Variants in PKNOX1 observed in about 807,000 individuals in gnomAD.
PKNOX1 encodes PBX/knotted 1 homeobox 1.
Under a neutral mutation model 51.9 loss-of-function variants are expected in PKNOX1, and 15 were observed. The ratio of observed to expected loss-of-function variants is 0.29; its 90% confidence interval spans 0.19 to 0.45. The LOEUF (loss-of-function observed/expected upper bound fraction) is 0.45, where lower values mean the gene tolerates loss of function less well. PKNOX1 is among the 20% of genes least tolerant of loss of function. PKNOX1 has a pLI of 1.00. For synonymous variants in PKNOX1, 219 were observed against 211.1 expected (o/e 1.04, Z -0.32); for missense variants, 462 against 547.5 (o/e 0.84, Z 1.56).
intron 1 of PKNOX1, among the ~76,000 whole-genome samples, chr21:42,999,081 G>A (rs1416502396): frequency 6.6e-6 from 1 of 152,244 alleles, no homozygotes; most frequent in Non-Finnish European, 1.5e-5. Flanking sequence ...AGGCACTTCT[G>A]TATATTTTCT....
intron 7 of PKNOX1, among the ~76,000 whole-genome samples, chr21:43,019,740 C>A (rs1394039760): frequency 6.6e-6 from 1 of 151,970 alleles, no homozygotes. Context: ...ATGGGTTTCA[C>A]CACGTTGGCC....
intron 1 of PKNOX1, among the ~76,000 whole-genome samples, chr21:42,987,400 AAAAAAT>A (rs1326492574): frequency 4.2e-3 from 296 of 71,118 alleles, no homozygotes; most frequent in South Asian, 0.035. Flanking sequence ...AAAAAAAAAA[AAAAAAT>A]ATATATATAT....
At chr21:43,000,532 C>T (rs1158387637) in intron 1 of PKNOX1, among the ~76,000 whole-genome samples, 1 of 152,242 alleles carries the variant, frequency 6.6e-6, no homozygotes, top group East Asian at 1.9e-4. Flanking sequence ...GAAAGACTTG[C>T]CCCCATGATT....
At chr21:43,014,478 CTT>C (rs35013516) in intron 5 of PKNOX1, among the ~76,000 whole-genome samples, 5,344 of 152,188 alleles carry the variant, frequency 0.035, 132 homozygotes, top group Middle Eastern at 0.061. Context: ...CTTAACAGGT[CTT>C]TTTCAGAGCC....
At chr21:43,015,356 T>G (rs1234708604) in intron 5 of PKNOX1, among the ~76,000 whole-genome samples, 1 of 152,270 alleles carries the variant, frequency 6.6e-6, no homozygotes, top group Non-Finnish European at 1.5e-5. Flanking sequence ...TTTTTCTTCT[T>G]TAGCCTGTTA....
intron 1 of PKNOX1, chr21:43,004,038 G>A (rs12481955): frequency 0.034 from 6,238 of 180,938 alleles, 176 homozygotes; most frequent in Middle Eastern, 0.12. Context: ...GGGAGTTCGA[G>A]ACCAGCCTGA....
intron 5 of PKNOX1, among the ~76,000 whole-genome samples, chr21:43,015,331 G>C (rs969099472): frequency 6.6e-6 from 1 of 152,206 alleles, no homozygotes; most frequent in Non-Finnish European, 1.5e-5. Flanking sequence ...AGCATTGATT[G>C]ATATGATTAT....
Position 43,029,922 on chromosome 21 carries a change from A to G in PKNOX1, c.1132A>G (p.Met378Val), listed in dbSNP as rs766905317. The G allele has an allele frequency of 3.7e-6, 6 of 1,614,082 alleles. No individual in the cohort carries two copies. In the East Asian group the frequency reaches 6.7e-5, roughly 18 times the overall value. Residue 378 changes from methionine to valine, a missense_variant, in exon 11 of 11, where the codon ATG becomes GTG. Met to Val is a conservative substitution (Grantham distance 21, BLOSUM62 1). Coordinates refer to ENST00000291547, the MANE Select transcript of PKNOX1 (RefSeq NM_004571.5). ...AVVTITTPVN[M>V]NVDSLQSLSS... is the part of the protein sequence containing the mutation. ...TGTCACCATCACCACGCCCGTGAACATGAACGTGGACAGCCTTCAGTCTCT... is the reference window on the plus strand; with the variant it reads ...TGTCACCATCACCACGCCCGTGAACGTGAACGTGGACAGCCTTCAGTCTCT...
At chr21:42,987,402 A>T (rs200046458) in intron 1 of PKNOX1, among the ~76,000 whole-genome samples, 2,606 of 61,346 alleles carry the variant, frequency 0.042, 37 homozygotes, top group African/African-American at 0.081. Context: ...AAAAAAAAAA[A>T]AAATATATAT....
chr21:42,997,677 A>G (rs1438663667), intron 1 of PKNOX1, among the ~76,000 whole-genome samples: 1 of 152,228 alleles, frequency 6.6e-6, no homozygotes, highest in Non-Finnish European at 1.5e-5. Context: ...GTGCTGTGTG[A>G]GGGTCCAGCA....
chr21:43,030,159 T>G lies in PKNOX1; in HGVS notation c.*58T>G. Reference sequence around the variant, plus strand: ...TTTGCACAGCAAACATTTTACACAGTTTTATTTCTAATATGTTTTATATGT... The same window carrying G: ...TTTGCACAGCAAACATTTTACACAGGTTTATTTCTAATATGTTTTATATGT... On this transcript the variant is annotated 3_prime_UTR_variant, in exon 11 of 11. Coordinates refer to ENST00000291547, the MANE Select transcript of PKNOX1 (RefSeq NM_004571.5). 7.8e-7 allele frequency: 1 copy of G among 1,274,724 alleles called. No homozygotes were observed. The allele number at this position is 1,274,724 out of a possible 1,614,324, so 79.0% of individuals were successfully genotyped here. A position where few individuals can be genotyped will look rare whatever the true frequency, so the allele number is the denominator to read the frequency against.
At chr21:43,018,285 C>T (rs1979592236) in intron 7 of PKNOX1, 55 bp downstream of exon 7, 2 of 1,104,652 alleles carry the variant, frequency 1.8e-6, no homozygotes, top group Non-Finnish European at 2.8e-6. Context: ...CACATAGGGG[C>T]ACAGGTAGAA....
intron 9 of PKNOX1, among the ~76,000 whole-genome samples, chr21:43,026,607 A>C (rs1056515011): frequency 5.9e-5 from 9 of 152,174 alleles, no homozygotes; most frequent in Non-Finnish European, 1.3e-4. Context: ...AAATAGAAAA[A>C]TTAGCTGCGT....
intron 1 of PKNOX1, among the ~76,000 whole-genome samples, chr21:42,984,083 CGTGTGTGTGTGTGTGT>C (rs61381629): frequency 2.7e-4 from 41 of 149,822 alleles, no homozygotes; most frequent in African/African-American, 9.1e-4. Flanking sequence ...CGTGTGTGTG[CGTGTGTGTGTGTGTGT>C]GTGTGTGTGT....
intron 7 of PKNOX1, among the ~76,000 whole-genome samples, chr21:43,019,808 C>G (rs1979674744): frequency 1.3e-5 from 2 of 152,088 alleles, no homozygotes; most frequent in South Asian, 4.1e-4. Flanking sequence ...TCCCAAAGTG[C>G]TGGGATTACA....
At chr21:42,982,547 T>C (rs1000170550) in intron 1 of PKNOX1, among the ~76,000 whole-genome samples, 1 of 151,794 alleles carries the variant, frequency 6.6e-6, no homozygotes. Context: ...CTGAACAACA[T>C]GGAGAAACCC....
At chr21:43,019,925 A>ATT (rs60174298) in intron 7 of PKNOX1, among the ~76,000 whole-genome samples, 2 of 85,888 alleles carry the variant, frequency 2.3e-5, no homozygotes, top group Admixed American at 1.3e-4. Context: ...AGGTGCTCTG[A>ATT]TTTTTTTTTT....
intron 2 of PKNOX1, among the ~76,000 whole-genome samples, chr21:43,006,024 C>G (rs184474899): frequency 8.7e-4 from 133 of 152,204 alleles, no homozygotes; most frequent in African/African-American, 3.0e-3. Flanking sequence ...GCCATTTTTC[C>G]AAGGTTGAAC....
intron 3 of PKNOX1, among the ~76,000 whole-genome samples, chr21:43,008,143 A>G (rs1456899543): frequency 6.6e-6 from 1 of 152,162 alleles, no homozygotes; most frequent in Non-Finnish European, 1.5e-5. Context: ...ATATCAATCT[A>G]TAAATTTTGT....
Sources: gnomAD v4.1 joint callset for allele counts (sites outside exome capture counted in the v4.1 genomes callset) on GRCh38, gnomAD v4.1.1 for gene constraint, MANE v1.5 for transcripts, NCBI Gene and HGNC (gene_info 2026-07-23, HGNC 2026-07-21) for gene names.